LOC128462377: variants seen among roughly 807,000 people sequenced by gnomAD.
chr16:89,404,512 A>T, the LOC128462377 span, among the ~76,000 whole-genome samples: 1 of 152,254 alleles, frequency 6.6e-6, no homozygotes, highest in Non-Finnish European at 1.5e-5. Flanking sequence ...AAAATGAGCC[A>T]ACAGTTTGAA....
chr16:89,354,689 C>T, the LOC128462377 span, among the ~76,000 whole-genome samples: 118 of 152,330 alleles, frequency 7.7e-4, no homozygotes, highest in African/African-American at 2.7e-3. Flanking sequence ...CAAGACCAGC[C>T]TGGCTAACAC....
chr16:89,327,725 G>C, the LOC128462377 span, among the ~76,000 whole-genome samples: 2 of 151,996 alleles, frequency 1.3e-5, no homozygotes, highest in Non-Finnish European at 2.9e-5. Flanking sequence ...ACCATTTATA[G>C]GTGCTCCAAA....
the LOC128462377 span, among the ~76,000 whole-genome samples, chr16:89,347,277 T>C: frequency 6.6e-6 from 1 of 152,172 alleles, no homozygotes; most frequent in Non-Finnish European, 1.5e-5. Flanking sequence ...CGCACATGTG[T>C]GTACCTGTAT....
the LOC128462377 span, among the ~76,000 whole-genome samples, chr16:89,347,860 A>G: frequency 6.6e-6 from 1 of 152,124 alleles, no homozygotes; most frequent in Non-Finnish European, 1.5e-5. Flanking sequence ...GTTTCTCAGA[A>G]CGTCCTCCAT....
chr16:89,328,973 C>A, the LOC128462377 span: 3 of 147,364 alleles, frequency 2.0e-5, no homozygotes, highest in Admixed American at 6.7e-5. Context: ...AGTGGAGGCC[C>A]CTGCTGAGTG....
At chr16:89,407,110 C>T in the LOC128462377 span, among the ~76,000 whole-genome samples, 2 of 151,880 alleles carry the variant, frequency 1.3e-5, no homozygotes, top group East Asian at 1.9e-4. Flanking sequence ...CCCAGGTACT[C>T]GGGAGGCGGA....
the LOC128462377 span, chr16:89,323,277 G>A: frequency 1.6e-6 from 2 of 1,287,950 alleles, no homozygotes; most frequent in Admixed American, 4.6e-5. Context: ...CAGGCCTACT[G>A]TGTGCAAAGC....
At chr16:89,360,232 T>C in the LOC128462377 span, among the ~76,000 whole-genome samples, 1 of 152,228 alleles carries the variant, frequency 6.6e-6, no homozygotes, top group African/African-American at 2.4e-5. Flanking sequence ...ATAAAAGACA[T>C]GATCTCGTTC....
the LOC128462377 span, among the ~76,000 whole-genome samples, chr16:89,409,940 C>G: frequency 6.6e-6 from 1 of 152,038 alleles, no homozygotes; most frequent in Non-Finnish European, 1.5e-5. Context: ...CCCGGGTTCA[C>G]GCCATTCTCC....
chr16:89,333,059 C>T, the LOC128462377 span, among the ~76,000 whole-genome samples: 1 of 152,148 alleles, frequency 6.6e-6, no homozygotes, highest in African/African-American at 2.4e-5. Flanking sequence ...GGAAGAAGGG[C>T]CCCTGTGGGG....
chr16:89,343,236 A>T, the LOC128462377 span, among the ~76,000 whole-genome samples: 1 of 151,990 alleles, frequency 6.6e-6, no homozygotes, highest in African/African-American at 2.4e-5. Flanking sequence ...AGAGTGATCC[A>T]CCCAGCTCGG....
At chr16:89,354,906 G>A in the LOC128462377 span, among the ~76,000 whole-genome samples, 1 of 152,058 alleles carries the variant, frequency 6.6e-6, no homozygotes, top group Non-Finnish European at 1.5e-5. Flanking sequence ...GGCTGTGAGT[G>A]GCCTGGAAGC....
At chr16:89,319,544 A>G in the LOC128462377 span, among the ~76,000 whole-genome samples, 1 of 152,162 alleles carries the variant, frequency 6.6e-6, no homozygotes, top group African/African-American at 2.4e-5. Context: ...CCCTTCCAGG[A>G]CCCTCGTGTC....
At chr16:89,327,841 G>C in the LOC128462377 span, among the ~76,000 whole-genome samples, 1 of 152,266 alleles carries the variant, frequency 6.6e-6, no homozygotes, top group East Asian at 1.9e-4. Context: ...AGAGTTGTCA[G>C]ACATGGCAAC....
the LOC128462377 span, among the ~76,000 whole-genome samples, chr16:89,397,535 C>A: frequency 6.6e-6 from 1 of 152,196 alleles, no homozygotes; most frequent in African/African-American, 2.4e-5. Context: ...TCGTCCCTGA[C>A]GGGGAAGGGT....
the LOC128462377 span, among the ~76,000 whole-genome samples, chr16:89,378,591 C>CAACT: frequency 2.0e-5 from 3 of 152,178 alleles, no homozygotes; most frequent in Admixed American, 2.0e-4. Context: ...TGAGAACACA[C>CAACT]AACTGGCCAG....
chr16:89,372,082 C>T, the LOC128462377 span, among the ~76,000 whole-genome samples: 1 of 152,222 alleles, frequency 6.6e-6, no homozygotes, highest in South Asian at 2.1e-4. Context: ...ACTGAGGAAC[C>T]ACAAGGACCA....
the LOC128462377 span, chr16:89,395,738 G>C: frequency 6.6e-6 from 1 of 152,186 alleles, no homozygotes; most frequent in African/African-American, 2.4e-5. Context: ...CACACAGACT[G>C]AATAGCTTGG....
At chr16:89,375,150 C>G in the LOC128462377 span, among the ~76,000 whole-genome samples, 3 of 152,070 alleles carry the variant, frequency 2.0e-5, no homozygotes, top group Non-Finnish European at 4.4e-5. Context: ...CCACACTGCA[C>G]GCTGTAATGA....
Sources: gnomAD v4.1 joint callset for allele counts (sites outside exome capture counted in the v4.1 genomes callset) on GRCh38, gnomAD v4.1.1 for gene constraint, MANE v1.5 for transcripts.